CUBN: variants seen among roughly 807,000 people sequenced by gnomAD.
CUBN encodes 460 kDa receptor.
Under a neutral mutation model 405.3 loss-of-function variants are expected in CUBN, and 282 were observed. The observed-to-expected ratio is 0.70, with a 90% confidence interval of 0.63 to 0.77. The LOEUF is 0.77. Among genes scored for constraint, CUBN ranks in the 30% least tolerant of loss-of-function variants. The pLI is 0.00. For synonymous variants in CUBN, 1,684 were observed against 1,617.0 expected (o/e 1.04, Z -0.99); for missense variants, 4,514 against 4,475.2 (o/e 1.01, Z -0.25).
intron 22 of CUBN, among the ~76,000 whole-genome samples, chr10:17,063,958 T>C (rs916947210): frequency 6.6e-6 from 1 of 152,210 alleles, no homozygotes; most frequent in Non-Finnish European, 1.5e-5. Flanking sequence ...TCAGTGTGCT[T>C]TGGGGCCAAA....
chr10:17,104,295 A>G (rs981620018), intron 12 of CUBN, 124 bp downstream of exon 12: 7 of 770,640 alleles, frequency 9.1e-6, no homozygotes, highest in Non-Finnish European at 1.6e-5. Context: ...GGAAAGACTT[A>G]GTTCTCAGTA....
intron 12 of CUBN, among the ~76,000 whole-genome samples, 166 bp from the exon 13 acceptor site, chr10:17,103,403 A>G (rs1055577529): frequency 6.6e-6 from 1 of 152,196 alleles, no homozygotes; most frequent in Non-Finnish European, 1.5e-5. Context: ...GTCAACTTCC[A>G]TAGAAATCCC....
Position 16,830,314 on chromosome 10 carries a change from A to G in CUBN, c.10528+938T>C, listed in dbSNP as rs192706668. Among the ~76,000 whole-genome samples the G allele has an allele frequency of 3.1e-3, 467 of 152,292 alleles. 2 individuals carry two copies. The highest frequency in any genetic ancestry group is 0.011 in the African/African-American group (438 of 41,560). The stretch of plus-strand genomic sequence containing the variant: ...TTCCTTTGGGTGCCAAGATTCCATT[A>G]CCCACGATTATCTTTATAGAACGCT... On this transcript the variant is annotated intron_variant, in intron 65 of 66. Transcript: ENST00000377833.
chr10:16,867,875 G>C (rs374944093), intron 59 of CUBN, among the ~76,000 whole-genome samples: 1 of 152,146 alleles, frequency 6.6e-6, no homozygotes, highest in South Asian at 2.1e-4. Flanking sequence ...CACTTGAGAA[G>C]CTTCATGCAG....
intron 28 of CUBN, among the ~76,000 whole-genome samples, chr10:17,012,808 T>G (rs1221676749): frequency 6.6e-6 from 1 of 152,250 alleles, no homozygotes; most frequent in East Asian, 1.9e-4. Context: ...TTCCTAACTC[T>G]GCTTCCATAA....
chr10:17,097,468 A>G (rs573316218), intron 14 of CUBN, among the ~76,000 whole-genome samples: 87 of 152,308 alleles, frequency 5.7e-4, no homozygotes, highest in Non-Finnish European at 1.8e-4. Context: ...TATTTCAAAC[A>G]TTTAAGAAAT....
Position 16,924,013 on chromosome 10 carries a change from G to C in CUBN, c.6646+1228C>G, listed in dbSNP as rs192322702. Among the ~76,000 whole-genome samples the C allele has an allele frequency of 8.0e-4, 122 of 152,310 alleles. 1 individual carries two copies. Among genetic ancestry groups the C allele is most frequent in the African/African-American group, 2.9e-3 (120 of 41,572 alleles). ...TTGAGCCTGGGAGGCAGAGGTTGCAGTAGGCTGAGATCATGCCGCTGTACT... is the reference window on the plus strand; with the variant it reads ...TTGAGCCTGGGAGGCAGAGGTTGCACTAGGCTGAGATCATGCCGCTGTACT... On this transcript the variant is annotated intron_variant, in intron 43 of 66. Coordinates refer to ENST00000377833, the MANE Select transcript of CUBN (RefSeq NM_001081.4).
At chr10:16,910,203 C>CCTTCTCCCTCT (rs1242566386) in intron 48 of CUBN, among the ~76,000 whole-genome samples, 2 of 151,018 alleles carry the variant, frequency 1.3e-5, no homozygotes, top group African/African-American at 4.9e-5. Flanking sequence ...TCCCTCTTCT[C>CCTTCTCCCTCT]CTTCTCCCTC....
rs145661638 is a variant in CUBN at position 16,835,025 on chromosome 10, C to T, written c.10351G>A (p.Asp3451Asn). The T allele has an allele frequency of 1.3e-4, 215 of 1,613,712 alleles. No homozygotes were observed. Among genetic ancestry groups the T allele is most frequent in the Non-Finnish European group, 1.7e-4 (200 of 1,179,732 alleles). Residue 3451 changes from aspartate (D) to asparagine (N), a missense_variant, in exon 64 of 67, where the codon GAT (aspartate) becomes AAT (asparagine). Asp to Asn is a conservative substitution (Grantham distance 23). This residue lies in a region of CUBN where 1,186 missense variants were observed against 1,186.9 expected (regional missense o/e 1.00). Coordinates refer to ENST00000377833, the MANE Select transcript of CUBN (RefSeq NM_001081.4). Reference sequence around the variant, plus strand: ...CAAATGCATATCACCTCCAAGAAATCGTTTCTGCATTCAACTGAGTTCTCG... The same window carrying T: ...CAAATGCATATCACCTCCAAGAAATTGTTTCTGCATTCAACTGAGTTCTCG... ...GIENSVECRN[D>N]FLEVRNGSNS...
chr10:17,076,851 C>A (rs1359409053), intron 17 of CUBN, among the ~76,000 whole-genome samples: 1 of 152,146 alleles, frequency 6.6e-6, no homozygotes, highest in Non-Finnish European at 1.5e-5. Context: ...TGCAATGGAT[C>A]CAAAACTAAC....
chr10:16,836,266 GTT>G lies in CUBN; in HGVS notation c.10147_10148del (p.Asn3383LeufsTer2). On this transcript the variant is annotated frameshift_variant, in exon 63 of 67. Coordinates refer to ENST00000377833, the MANE Select transcript of CUBN (RefSeq NM_001081.4). LOFTEE classifies it high-confidence loss of function. The stretch of plus-strand genomic sequence containing the variant: ...TCTGATAGGTGAAACTCATTCTAGA[GTT>G]TCTGTTTACAACTCCAGATTTGAAA... The part of the protein sequence containing the change: ...VIFKSGVVNR[N>X]SRMSFTYQIA... 6.2e-7 allele frequency: 1 copy of G among 1,614,016 alleles called. No homozygotes were observed. The highest frequency in any genetic ancestry group is 8.5e-7 in the Non-Finnish European group (1 of 1,179,874).
chr10:17,109,168 A>G lies in CUBN; in HGVS notation c.1111+472T>C, dbSNP rs139454925. On this transcript the variant is annotated intron_variant, in intron 10 of 66. Transcript: ENST00000377833. The stretch of plus-strand genomic sequence containing the variant: ...TTAAATTACAGGGTTAAACCCTTCT[A>G]TGCAGCATTGCAAACACTGTTGGTT... Among the ~76,000 whole-genome samples the G allele has an allele frequency of 1.1e-4, 16 of 152,322 alleles. No individual in the cohort carries two copies. The East Asian group carries it at 3.1e-3, about 29-fold the overall frequency.
chr10:16,980,551 T>C (rs1833239282), intron 31 of CUBN, among the ~76,000 whole-genome samples: 1 of 152,182 alleles, frequency 6.6e-6, no homozygotes, highest in South Asian at 2.1e-4. Context: ...GGGACATGGA[T>C]GAAGCTGGAA....
intron 33 of CUBN, 63 bp downstream of exon 33, chr10:16,952,213 A>G (rs1005287328): frequency 6.7e-6 from 8 of 1,195,196 alleles, no homozygotes; most frequent in East Asian, 4.7e-5. Flanking sequence ...TTACTCATAG[A>G]CTGACCTTCC....
rs760328651 is a variant in CUBN, at chr10:16,913,834, A to ACGGATG, written c.7504_7509dup (p.His2502_Pro2503dup). ...ACTATCACATGCTCATTGTTGCAGG[A>ACGGATG]CGGATGCGTGGCCAGCCTCAGGTTG... is the stretch of plus-strand genomic sequence containing the variant. On this transcript the variant is annotated inframe_insertion, in exon 48 of 67. Coordinates refer to ENST00000377833, the MANE Select transcript of CUBN (RefSeq NM_001081.4). The ACGGATG allele has an allele frequency of 8.1e-6, 13 of 1,613,886 alleles. No individual in the cohort carries two copies. In the South Asian group the frequency reaches 1.4e-4, roughly 18 times the overall value.
intron 27 of CUBN, among the ~76,000 whole-genome samples, chr10:17,033,407 G>A (rs1012246402): frequency 1.3e-5 from 2 of 152,136 alleles, no homozygotes; most frequent in Admixed American, 6.5e-5. Context: ...ATTGATTAAG[G>A]TGTGTTTCCT....
intron 54 of CUBN, among the ~76,000 whole-genome samples, chr10:16,894,405 G>T (rs944702064): frequency 1.3e-5 from 2 of 152,050 alleles, no homozygotes; most frequent in Non-Finnish European, 2.9e-5. Context: ...TTTAGGTTGA[G>T]ATTCATATTT....
At chr10:16,840,647 T>C (rs937554793) in intron 61 of CUBN, 112 bp from the exon 62 acceptor site, 1 of 971,314 alleles carries the variant, frequency 1.0e-6, no homozygotes, top group African/African-American at 1.6e-5. Context: ...TATATTTTCA[T>C]TACTCTATTA....
chr10:17,097,688 T>C (rs1051487153), intron 14 of CUBN, among the ~76,000 whole-genome samples: 1 of 152,152 alleles, frequency 6.6e-6, no homozygotes, highest in Non-Finnish European at 1.5e-5. Flanking sequence ...ATGGAAAATA[T>C]TTGATGAATG....
Sources: gnomAD v4.1 joint callset for allele counts (sites outside exome capture counted in the v4.1 genomes callset) on GRCh38, gnomAD v4.1.1 for gene constraint, gnomAD v4.1.1 regional missense constraint, MANE v1.5 for transcripts, NCBI Gene and HGNC (gene_info 2026-07-23, HGNC 2026-07-21) for gene names.